GTF2A1L: variants seen among roughly 807,000 people sequenced by gnomAD.
GTF2A1L encodes the protein general transcription factor IIA subunit 1 like.
GTF2A1L carries 48 observed loss-of-function variants against 49.7 expected under a neutral mutation model. That is an observed-to-expected ratio of 0.97 (90% CI 0.77 to 1.23). GTF2A1L has a LOEUF of 1.23. Among genes scored for constraint, GTF2A1L ranks in the 50% most tolerant of loss-of-function variants. GTF2A1L has a pLI of 0.00. For missense variants in GTF2A1L, 736 were observed against 564.8 expected, an observed-to-expected ratio of 1.30 and a Z score of -3.07; for synonymous variants, 246 against 193.5, an observed-to-expected ratio of 1.27 and a Z score of -2.25.
intron 4 of GTF2A1L, among the ~76,000 whole-genome samples, chr2:48,643,423 C>G (rs1418560741): frequency 1.3e-5 from 2 of 152,076 alleles, no homozygotes; most frequent in African/African-American, 4.8e-5. Context: ...GCTTAGTGGG[C>G]TAGTTATTTC....
rs76507892 is a variant in GTF2A1L at position 48,665,032 on chromosome 2, G to C, written c.979-4690G>C. ...CACCTCCTGGGTTCACGTGATTCTC[G>C]TGCCTCAGCCTCCCGACTAGCTGGG... On this transcript the variant is annotated intron_variant, in intron 6 of 8. Coordinates refer to ENST00000403751, the MANE Select transcript of GTF2A1L (RefSeq NM_006872.5). Among the ~76,000 whole-genome samples the C allele has an allele frequency of 8.1e-4, 123 of 151,882 alleles. No homozygotes were observed. In the East Asian group the frequency reaches 0.022, roughly 28 times the overall value.
chr2:48,629,857 C>A lies in GTF2A1L; in HGVS notation c.247+8567C>A, dbSNP rs1224479916. Among the ~76,000 whole-genome samples the A allele has an allele frequency of 2.1e-5, 3 of 144,574 alleles. 1 individual carries two copies. The highest frequency in any genetic ancestry group is 2.3e-4 in the South Asian group (1 of 4,302). The allele number at this position is 144,574 out of a possible 152,430, so 94.8% of individuals were successfully genotyped here. ...ATATGGCTACCAGTTGCCCCATCAC[C>A]ATTTATTGACTAGGGAGTCCTTTCC... On this transcript the variant is annotated intron_variant, in intron 3 of 8. Coordinates refer to ENST00000403751, the MANE Select transcript of GTF2A1L (RefSeq NM_006872.5).
At chr2:48,675,731 T>A (rs182227786) in intron 8 of GTF2A1L, among the ~76,000 whole-genome samples, 38 of 152,108 alleles carry the variant, frequency 2.5e-4, no homozygotes, top group African/African-American at 9.1e-4. Flanking sequence ...TATCTTCGTT[T>A]GACAGTTTAG....
At chr2:48,656,486 A>G (rs1187011504) in intron 6 of GTF2A1L, among the ~76,000 whole-genome samples, 1 of 149,888 alleles carries the variant, frequency 6.7e-6, no homozygotes, top group Non-Finnish European at 1.5e-5. Context: ...GGCCACTTGT[A>G]TGCATTCTTT....
chr2:48,676,125 T>C (rs998463870), intron 8 of GTF2A1L, among the ~76,000 whole-genome samples: 2 of 151,922 alleles, frequency 1.3e-5, no homozygotes, highest in African/African-American at 4.8e-5. Flanking sequence ...AATAACACTA[T>C]ATTCTGTACC....
intron 3 of GTF2A1L, among the ~76,000 whole-genome samples, chr2:48,624,475 GA>G (rs1676193629): frequency 7.0e-6 from 1 of 143,736 alleles, no homozygotes; most frequent in African/African-American, 2.5e-5. Flanking sequence ...TAGATAGATA[GA>G]TAGATAGATA....
intron 3 of GTF2A1L, among the ~76,000 whole-genome samples, chr2:48,636,348 T>C (rs539610785): frequency 2.6e-5 from 4 of 152,344 alleles, no homozygotes; most frequent in Non-Finnish European, 5.9e-5. Context: ...CTAGTTGAAA[T>C]TTAGTATAAT....
intron 4 of GTF2A1L, among the ~76,000 whole-genome samples, chr2:48,644,000 G>A (rs1034752891): frequency 2.6e-5 from 4 of 151,834 alleles, no homozygotes; most frequent in Non-Finnish European, 4.4e-5. Flanking sequence ...TGCCCGGCCT[G>A]TACAAAATTT....
At chr2:48,622,393 T>C (rs1205438595) in intron 3 of GTF2A1L, among the ~76,000 whole-genome samples, 1 of 152,264 alleles carries the variant, frequency 6.6e-6, no homozygotes, top group East Asian at 1.9e-4. Context: ...GGTTTTTGGC[T>C]ATGCTTTAAT....
intron 3 of GTF2A1L, among the ~76,000 whole-genome samples, chr2:48,640,886 G>A (rs1222774934): frequency 1.4e-5 from 2 of 147,396 alleles, no homozygotes; most frequent in African/African-American, 4.9e-5. Context: ...ATTTTTATAT[G>A]TTCAAGTATA....
rs1386958458 is a variant in GTF2A1L, at chr2:48,672,135, A to AT, written c.1329+456dup. 2.0e-5 allele frequency among the ~76,000 whole-genome samples: 3 copies of AT among 152,366 alleles called. No homozygotes were observed. The East Asian group carries it at 5.8e-4, about 29-fold the overall frequency. On this transcript the variant is annotated intron_variant, in intron 8 of 8. Coordinates refer to ENST00000403751, the MANE Select transcript of GTF2A1L (RefSeq NM_006872.5). ...TGTAGTTGGAGTTCCCCATAAATCC[A>AT]TGGGTGATGTGGGGTTTTGAAATGG...
intron 4 of GTF2A1L, among the ~76,000 whole-genome samples, chr2:48,643,061 T>A (rs1481273174): frequency 4.6e-5 from 7 of 152,232 alleles, no homozygotes; most frequent in African/African-American, 1.7e-4. Flanking sequence ...TTTAATACAC[T>A]ATATAATGTT....
chr2:48,647,054 T>C lies in GTF2A1L; in HGVS notation c.978+12T>C, dbSNP rs75483502. The C allele has an allele frequency of 6.4e-7, 1 of 1,561,804 alleles. No individual in the cohort carries two copies. Among genetic ancestry groups the C allele is most frequent in the Non-Finnish European group, 8.7e-7 (1 of 1,155,150 alleles). On this transcript the variant is annotated intron_variant, in intron 6 of 8. Coordinates refer to ENST00000403751, the MANE Select transcript of GTF2A1L (RefSeq NM_006872.5). ...CTGTATCAGAGAAGGTATAGTTCTG[T>C]GTCCAACTTCTTGGTATCAGGGGAC... is the stretch of plus-strand genomic sequence containing the variant.
chr2:48,644,393 G>A (rs919355339), intron 4 of GTF2A1L, among the ~76,000 whole-genome samples: 1 of 152,076 alleles, frequency 6.6e-6, no homozygotes, highest in Non-Finnish European at 1.5e-5. Flanking sequence ...ATTTCAGTTA[G>A]TACAAATTGA....
At chr2:48,651,126 C>G (rs1167330795) in intron 6 of GTF2A1L, among the ~76,000 whole-genome samples, 4 of 152,054 alleles carry the variant, frequency 2.6e-5, no homozygotes, top group African/African-American at 7.2e-5. Flanking sequence ...TTGTACTACC[C>G]AGTCACAGAA....
chr2:48,658,586 C>T (rs184330880), intron 6 of GTF2A1L, among the ~76,000 whole-genome samples: 183 of 152,128 alleles, frequency 1.2e-3, no homozygotes, highest in African/African-American at 4.2e-3. Flanking sequence ...GCTGTTCAGG[C>T]TCCTTGTTGG....
chr2:48,633,746 C>A (rs542758882), intron 3 of GTF2A1L, among the ~76,000 whole-genome samples: 1 of 152,120 alleles, frequency 6.6e-6, no homozygotes, highest in Non-Finnish European at 1.5e-5. Flanking sequence ...GGGAAGTCCC[C>A]CACCATTATC....
chr2:48,633,922 GT>G (rs1676733853), intron 3 of GTF2A1L, among the ~76,000 whole-genome samples: 1 of 151,938 alleles, frequency 6.6e-6, no homozygotes, highest in Admixed American at 6.6e-5. Context: ...TTTAAAGTCT[GT>G]TTTGTCTTAT....
chr2:48,654,546 C>G (rs901801478), intron 6 of GTF2A1L, among the ~76,000 whole-genome samples: 1 of 152,116 alleles, frequency 6.6e-6, no homozygotes, highest in African/African-American at 2.4e-5. Context: ...CCATGCCTGG[C>G]TAATTTTTTG....
Sources: gnomAD v4.1 joint callset for allele counts (sites outside exome capture counted in the v4.1 genomes callset) on GRCh38, gnomAD v4.1.1 for gene constraint, MANE v1.5 for transcripts, NCBI Gene and HGNC (gene_info 2026-07-23, HGNC 2026-07-21) for gene names.